GMDS: variants seen among roughly 807,000 people sequenced by gnomAD.
GMDS encodes GDP-mannose 4,6 dehydratase.
Under a neutral mutation model 49.9 loss-of-function variants are expected in GMDS, and 20 were observed. That is an observed-to-expected ratio of 0.40 (90% CI 0.28 to 0.58). The LOEUF (loss-of-function observed/expected upper bound fraction) is 0.58. Ranked by LOEUF, GMDS falls within the 20% of genes least tolerant of loss-of-function variation. The pLI, the probability that GMDS is intolerant of heterozygous loss-of-function variation, is 0.42. For synonymous variants in GMDS, 177 were observed against 178.6 expected (o/e 0.99, Z 0.07); for missense variants, 362 against 481.4 (o/e 0.75, Z 2.32).
intron 7 of GMDS, among the ~76,000 whole-genome samples, chr6:1,772,016 C>A (rs1768597094): frequency 6.6e-6 from 1 of 152,020 alleles, no homozygotes. Context: ...AAAGAACAGC[C>A]CTGTGAGCGG....
Position 1,959,922 on chromosome 6 carries a change from C to G in GMDS, c.588G>C (p.Ala196=). 6.2e-7 allele frequency: 1 copy of G among 1,611,538 alleles called. No homozygotes were observed. Among genetic ancestry groups the G allele is most frequent in the South Asian group, 1.1e-5 (1 of 90,732 alleles). The part of the protein sequence containing the change: ...AYWIVVNFRE[A]YNLFAVNGIL... The stretch of plus-strand genomic sequence containing the variant: ...TGCCGTTCACTGCAAAGAGATTATA[C>G]GCCTCACGGAAGTTCACCACAATCC... Residue 196 remains alanine (A), a synonymous_variant, in exon 6 of 11, where the codon GCG becomes GCC. Coordinates refer to ENST00000380815, the MANE Select transcript of GMDS (RefSeq NM_001500.4).
At chr6:1,886,315 G>C (rs769854668) in intron 7 of GMDS, among the ~76,000 whole-genome samples, 2 of 152,024 alleles carry the variant, frequency 1.3e-5, no homozygotes, top group African/African-American at 2.4e-5. Context: ...TAAAAAATGA[G>C]AATGACCAGA....
chr6:1,692,583 A>T (rs1480248072), intron 9 of GMDS, among the ~76,000 whole-genome samples: 1 of 152,134 alleles, frequency 6.6e-6, no homozygotes, highest in African/African-American at 2.4e-5. Context: ...TTCTCTGTTA[A>T]TTTTTTTAAA....
chr6:1,641,477 C>G (rs1156461445), intron 9 of GMDS, among the ~76,000 whole-genome samples: 1 of 152,232 alleles, frequency 6.6e-6, no homozygotes, highest in African/African-American at 2.4e-5. Context: ...GGGTGCCGTG[C>G]ACCTGGCAAG....
At chr6:1,670,562 A>G (rs1391588556) in intron 9 of GMDS, among the ~76,000 whole-genome samples, 1 of 152,190 alleles carries the variant, frequency 6.6e-6, no homozygotes, top group Non-Finnish European at 1.5e-5. Context: ...CACCGGGATA[A>G]GACAGAGAAG....
At chr6:1,945,019 AT>A (rs1263121111) in intron 6 of GMDS, among the ~76,000 whole-genome samples, 1 of 152,220 alleles carries the variant, frequency 6.6e-6, no homozygotes, top group Non-Finnish European at 1.5e-5. Flanking sequence ...ACTATTGCTA[AT>A]TATTGATTTG....
chr6:1,863,098 C>A (rs1279173352), intron 7 of GMDS, among the ~76,000 whole-genome samples: 1 of 152,060 alleles, frequency 6.6e-6, no homozygotes, highest in African/African-American at 2.4e-5. Context: ...TGATTTTAAA[C>A]ATTAAATTCA....
chr6:1,782,293 T>C (rs1343521346), intron 7 of GMDS, among the ~76,000 whole-genome samples: 1 of 152,246 alleles, frequency 6.6e-6, no homozygotes, highest in African/African-American at 2.4e-5. Flanking sequence ...ATAGGTGTAC[T>C]GTAGGAGTCA....
At chr6:2,228,367 A>G (rs1780915060) in intron 1 of GMDS, among the ~76,000 whole-genome samples, 2 of 152,138 alleles carry the variant, frequency 1.3e-5, no homozygotes, top group East Asian at 1.9e-4. Flanking sequence ...CTTTTCTTCA[A>G]TATACACTCC....
chr6:1,945,629 G>A (rs907683540), intron 6 of GMDS, among the ~76,000 whole-genome samples: 4 of 152,024 alleles, frequency 2.6e-5, no homozygotes, highest in East Asian at 1.9e-4. Context: ...TATTCTTCAC[G>A]CCTGGGGTCA....
intron 4 of GMDS, among the ~76,000 whole-genome samples, chr6:2,021,188 T>C (rs1768257936): frequency 6.6e-6 from 1 of 152,242 alleles, no homozygotes. Context: ...CATTTGCTTT[T>C]AAGTATTTGA....
At chr6:1,803,456 C>G (rs1195141631) in intron 7 of GMDS, among the ~76,000 whole-genome samples, 3 of 152,020 alleles carry the variant, frequency 2.0e-5, no homozygotes, top group African/African-American at 7.2e-5. Context: ...TCTCTTTCAG[C>G]GAGCAGCCCT....
At chr6:1,907,147 T>C (rs1214786556) in intron 7 of GMDS, among the ~76,000 whole-genome samples, 1 of 152,230 alleles carries the variant, frequency 6.6e-6, no homozygotes, top group Non-Finnish European at 1.5e-5. Context: ...GTAATCTCTC[T>C]ACCCATTTGA....
chr6:2,208,854 T>TAAAAAA (rs34346221), intron 1 of GMDS, among the ~76,000 whole-genome samples: 18 of 142,412 alleles, frequency 1.3e-4, no homozygotes, highest in South Asian at 2.2e-4. Flanking sequence ...TGGGCTACAT[T>TAAAAAA]AAAAAAAAAA....
chr6:1,941,099 C>G (rs1241774624), intron 6 of GMDS, among the ~76,000 whole-genome samples: 21 of 151,914 alleles, frequency 1.4e-4, no homozygotes, highest in Admixed American at 1.4e-3. Context: ...TTTTAAGTAC[C>G]TCTATTCATT....
At chr6:1,722,701 T>A (rs1184949533) in intron 9 of GMDS, among the ~76,000 whole-genome samples, 1 of 152,208 alleles carries the variant, frequency 6.6e-6, no homozygotes, top group Admixed American at 6.5e-5. Flanking sequence ...CAGCTAGTAA[T>A]CAATAGGTTT....
intron 7 of GMDS, among the ~76,000 whole-genome samples, chr6:1,876,023 A>AAAAAAAAAAAG (rs1554128992): frequency 8.6e-5 from 13 of 151,440 alleles, no homozygotes; most frequent in African/African-American, 2.9e-4. Flanking sequence ...CTCAAAAAAA[A>AAAAAAAAAAAG]AAAAGAAAAG....
intron 7 of GMDS, among the ~76,000 whole-genome samples, chr6:1,840,611 C>T (rs534134029): frequency 9.3e-4 from 141 of 152,312 alleles, no homozygotes; most frequent in African/African-American, 3.4e-3. Flanking sequence ...TACGCTCAGT[C>T]TAAATTAGGG....
intron 1 of GMDS, among the ~76,000 whole-genome samples, chr6:2,227,132 T>C (rs992088483): frequency 2.6e-5 from 4 of 152,170 alleles, no homozygotes; most frequent in Admixed American, 6.5e-5. Context: ...TTTTCAATAG[T>C]GAACATTATT....
Sources: gnomAD v4.1 joint callset for allele counts (sites outside exome capture counted in the v4.1 genomes callset) on GRCh38, gnomAD v4.1.1 for gene constraint, MANE v1.5 for transcripts, NCBI Gene and HGNC (gene_info 2026-07-23, HGNC 2026-07-21) for gene names.